Variants in FDFT1 observed in about 807,000 individuals in gnomAD.
FDFT1 encodes the protein farnesyl-diphosphate farnesyltransferase 1.
A neutral mutation model predicts 46.8 loss-of-function variants in FDFT1; 68 were observed. The ratio of observed to expected loss-of-function variants is 1.45; its 90% CI spans 1.19 to 1.78. The LOEUF (loss-of-function observed/expected upper bound fraction) is 1.78, where lower values mean the gene tolerates loss of function less well. Among genes scored for constraint, FDFT1 ranks in the 40% most tolerant of loss-of-function variants. The pLI, the probability that FDFT1 is intolerant of heterozygous loss-of-function variation, is 0.00. For missense variants in FDFT1, 928 were observed against 524.4 expected (o/e 1.77, Z -7.52); for synonymous variants, 351 against 185.1 (o/e 1.90, Z -7.28).
In FDFT1 at chr8:11,839,244, C is replaced by T. The variant is rs1157218145; in HGVS notation, c.*635C>T. ...TTTGACCTTTTAGAAGATTGGTCTC[C>T]AGTAAAGGTGGACATTTTTGAGATT... On this transcript the variant is annotated 3_prime_UTR_variant, in exon 8 of 8. Coordinates refer to ENST00000220584, the MANE Select transcript of FDFT1 (RefSeq NM_004462.5). 1 of 152,460 alleles carries T rather than the reference C, an allele frequency of 6.6e-6. No individual in the cohort carries two copies. Among genetic ancestry groups the T allele is most frequent in the African/African-American group, 2.4e-5 (1 of 41,386 alleles). The allele number at this position is 152,460 out of a possible 1,614,324, so 9.4% of individuals were successfully genotyped here.
rs534489613 is a variant in FDFT1 at position 11,829,935 on chromosome 8, C to T, written c.703-309C>T. On this transcript the variant is annotated intron_variant, in intron 5 of 7. Transcript: ENST00000220584. The stretch of plus-strand genomic sequence containing the variant: ...AGATCTTGACTCACTGCAACCTCCG[C>T]CCCCTAGGTTCAAGCAATTCTTCTG... Among the ~76,000 whole-genome samples the T allele has an allele frequency of 1.8e-3, 274 of 151,966 alleles. 1 individual carries two copies. The highest frequency in any genetic ancestry group is 5.5e-3 in the African/African-American group (227 of 41,342).
rs189380851 is a variant in FDFT1, at chr8:11,808,399, G to T, written c.100-395G>T. On this transcript the variant is annotated intron_variant, in intron 1 of 7. Coordinates refer to ENST00000220584, the MANE Select transcript of FDFT1 (RefSeq NM_004462.5). ...GGCTGCGGGGCTGCGGGGCGGGCCC[G>T]TTGTGGGTCGGCCCAGCGCGTATTC... 1.7e-3 allele frequency: 2,047 copies of T among 1,237,362 alleles called. 43 individuals are homozygous for T. In the East Asian group the frequency reaches 0.047, roughly 28 times the overall value. The allele number at this position is 1,237,362 out of a possible 1,614,324, so 76.6% of individuals were successfully genotyped here. A position where few individuals can be genotyped will look rare whatever the true frequency, so the allele number is the denominator to read the frequency against.
At chr8:11,822,561 C>G (rs1187600461) in intron 4 of FDFT1, among the ~76,000 whole-genome samples, 1 of 152,210 alleles carries the variant, frequency 6.6e-6, no homozygotes, top group Non-Finnish European at 1.5e-5. Context: ...TACCTGTAAT[C>G]TCAGCACTTT....
At chr8:11,833,535 A>G (rs1811143756) in intron 7 of FDFT1, among the ~76,000 whole-genome samples, 1 of 152,240 alleles carries the variant, frequency 6.6e-6, no homozygotes, top group South Asian at 2.1e-4. Flanking sequence ...CAATTCCATT[A>G]CTATATTAAA....
chr8:11,802,794 G>GGT lies in FDFT1; in HGVS notation c.-37_-36dup. Reference sequence around the variant, plus strand: ...CCGGTGAGCGCCTGGGGACCGCAGAGGTGAGAGTCGCGCCCGGGAGTCCGC... The same window carrying GGT: ...CCGGTGAGCGCCTGGGGACCGCAGAGGTGTGAGAGTCGCGCCCGGGAGTCCGC... On this transcript the variant is annotated 5_prime_UTR_variant, in exon 1 of 8. Transcript: ENST00000220584. The GGT allele has an allele frequency of 6.6e-7, 1 of 1,524,224 alleles. No homozygotes were observed. Among genetic ancestry groups the GGT allele is most frequent in the Non-Finnish European group, 9.0e-7 (1 of 1,109,960 alleles). 94.4% of individuals were successfully genotyped at this position (1,524,224 alleles called of 1,614,324 possible).
intron 2 of FDFT1, 124 bp from the exon 3 acceptor site, chr8:11,809,543 T>C (rs1807403795): frequency 7.7e-7 from 1 of 1,292,538 alleles, no homozygotes. Flanking sequence ...GCGTTGGATA[T>C]CCTTATAGTT....
At chr8:11,833,361 C>G (rs77440795) in intron 7 of FDFT1, among the ~76,000 whole-genome samples, 2,922 of 152,296 alleles carry the variant, frequency 0.019, 45 homozygotes, top group Middle Eastern at 0.044. Flanking sequence ...AACCCCAATT[C>G]TAAGGGGTTC....
At chr8:11,813,190 C>T (rs1394788186) in intron 3 of FDFT1, among the ~76,000 whole-genome samples, 1 of 152,160 alleles carries the variant, frequency 6.6e-6, no homozygotes, top group Non-Finnish European at 1.5e-5. Context: ...TTTCCAGTCT[C>T]CGTTGACTGA....
upstream of FDFT1, chr8:11,802,452 C>CG: frequency 2.2e-6 from 1 of 463,632 alleles, no homozygotes; most frequent in South Asian, 1.5e-5. Context: ...CGCTCCCAGC[C>CG]GGGGTAAGCG....
chr8:11,820,950 C>T (rs892834154), intron 3 of FDFT1, among the ~76,000 whole-genome samples: 2 of 152,206 alleles, frequency 1.3e-5, no homozygotes, highest in Admixed American at 6.5e-5. Context: ...TCTTCTGCAT[C>T]GATCTTGCTG....
rs530088089 is a variant in FDFT1, at chr8:11,809,015, A to C, written c.197+124A>C. The C allele has an allele frequency of 6.3e-5, 91 of 1,433,794 alleles. No homozygotes were observed. The East Asian group carries it at 2.3e-3, about 36-fold the overall frequency. 88.8% of individuals were successfully genotyped at this position (1,433,794 alleles called of 1,614,324 possible). A position where few individuals can be genotyped will look rare whatever the true frequency, so the allele number is the denominator to read the frequency against. ...GCCTCGTTGCTGTGGCTTATCCAGAACATAGCCCGGCCCTACGTGTTTACT... is the reference window on the plus strand; with the variant it reads ...GCCTCGTTGCTGTGGCTTATCCAGACCATAGCCCGGCCCTACGTGTTTACT... On this transcript the variant is annotated intron_variant, in intron 2 of 7. Coordinates refer to ENST00000220584, the MANE Select transcript of FDFT1 (RefSeq NM_004462.5).
At chr8:11,804,979 ACT>A (rs1252303624) in intron 1 of FDFT1, among the ~76,000 whole-genome samples, 2 of 138,776 alleles carry the variant, frequency 1.4e-5, no homozygotes, top group Non-Finnish European at 3.0e-5. Context: ...CCTGAACATG[ACT>A]CACTCCAGTT....
upstream of FDFT1, chr8:11,801,826 T>G (rs976059175): frequency 1.6e-5 from 6 of 384,012 alleles, no homozygotes; most frequent in African/African-American, 1.3e-4. Flanking sequence ...CCGGAGTAGT[T>G]GGGACTACAG....
At chr8:11,825,965 G>C (rs1026594838) in intron 4 of FDFT1, 59 bp from the exon 5 acceptor site, 3 of 1,240,974 alleles carry the variant, frequency 2.4e-6, no homozygotes, top group Admixed American at 2.3e-5. Context: ...ATGATCTCTA[G>C]TGTGTCCATT....
chr8:11,797,989 G>T (rs1422419719), upstream of FDFT1: 1 of 152,252 alleles, frequency 6.6e-6, no homozygotes, highest in Non-Finnish European at 1.5e-5. Flanking sequence ...TATGCCAGAA[G>T]GCTTGATTTC....
At chr8:11,819,336 G>C (rs1018675310) in intron 3 of FDFT1, among the ~76,000 whole-genome samples, 1 of 152,032 alleles carries the variant, frequency 6.6e-6, no homozygotes, top group African/African-American at 2.4e-5. Context: ...TTGGGATTGC[G>C]CTTCTCGAGG....
chr8:11,811,451 G>C (rs376035824), intron 3 of FDFT1, among the ~76,000 whole-genome samples: 4 of 152,334 alleles, frequency 2.6e-5, no homozygotes, highest in African/African-American at 9.6e-5. Flanking sequence ...GTATTGCTAA[G>C]TCAAGGCAGC....
intron 3 of FDFT1, among the ~76,000 whole-genome samples, chr8:11,820,625 G>C (rs1045152045): frequency 6.6e-6 from 1 of 152,200 alleles, no homozygotes; most frequent in African/African-American, 2.4e-5. Context: ...CTTGATCTCA[G>C]ACTGCTTGGC....
chr8:11,803,131 C>A (rs1366233688), intron 1 of FDFT1, 200 bp downstream of exon 1: 3 of 1,426,942 alleles, frequency 2.1e-6, no homozygotes, highest in Non-Finnish European at 2.7e-6. Context: ...CCTGTCCCTG[C>A]CCCCGCAAGC....
Sources: gnomAD v4.1 joint callset for allele counts (sites outside exome capture counted in the v4.1 genomes callset) on GRCh38, gnomAD v4.1.1 for gene constraint, MANE v1.5 for transcripts, NCBI Gene and HGNC (gene_info 2026-07-23, HGNC 2026-07-21) for gene names.